The following CHRM2 variants were observed in gnomAD, a reference collection of about 807,000 sequenced individuals.
CHRM2 encodes the protein cholinergic receptor muscarinic 2.
CHRM2 carries 8 observed loss-of-function variants against 25.0 expected under a neutral mutation model. That is an observed-to-expected ratio of 0.32 (90% CI 0.19 to 0.58). The LOEUF is 0.58. CHRM2 is among the 20% of genes least tolerant of loss of function. CHRM2 has a pLI of 0.88. For missense variants in CHRM2, 440 were observed against 567.1 expected, an observed-to-expected ratio of 0.78 and a Z score of 2.28; for synonymous variants, 202 against 205.7, an observed-to-expected ratio of 0.98 and a Z score of 0.15.
At chr7:136,936,495 AAATG>A (rs1799419496) in intron 2 of CHRM2, among the ~76,000 whole-genome samples, 1 of 152,184 alleles carries the variant, frequency 6.6e-6, no homozygotes, top group Non-Finnish European at 1.5e-5. Flanking sequence ...AATTGTCTTA[AAATG>A]AATGACATGA....
chr7:136,884,651 T>C (rs1328886601), intron 2 of CHRM2, among the ~76,000 whole-genome samples: 1 of 152,170 alleles, frequency 6.6e-6, no homozygotes, highest in Non-Finnish European at 1.5e-5. Context: ...CCCAGACCAC[T>C]GTCACTTACA....
chr7:136,884,594 G>C (rs534029478), intron 2 of CHRM2, among the ~76,000 whole-genome samples: 17 of 152,038 alleles, frequency 1.1e-4, no homozygotes, highest in African/African-American at 3.9e-4. Context: ...GAGACACTGA[G>C]CATTTCATAG....
intron 2 of CHRM2, among the ~76,000 whole-genome samples, chr7:136,941,400 C>G (rs1000136781): frequency 2.6e-5 from 4 of 152,140 alleles, no homozygotes; most frequent in Admixed American, 6.5e-5. Flanking sequence ...CATGATTTAT[C>G]AAGAACCTAC....
At chr7:136,912,772 C>T (rs901220667) in intron 2 of CHRM2, among the ~76,000 whole-genome samples, 5 of 151,842 alleles carry the variant, frequency 3.3e-5, no homozygotes, top group African/African-American at 4.8e-5. Flanking sequence ...AAATGTTTAC[C>T]ATTCCTAACA....
At chr7:136,871,893 G>C (rs1039324361) in intron 2 of CHRM2, 1 of 151,974 alleles carries the variant, frequency 6.6e-6, no homozygotes, top group Non-Finnish European at 1.5e-5. Context: ...TTAATGCCAG[G>C]TGAATTATTA....
At chr7:136,931,141 T>C (rs1217207472) in intron 2 of CHRM2, among the ~76,000 whole-genome samples, 2 of 152,168 alleles carry the variant, frequency 1.3e-5, no homozygotes, top group African/African-American at 2.4e-5. Context: ...CAGAATCTTT[T>C]TGGAAGTGAG....
chr7:136,893,667 T>C (rs977655127), intron 2 of CHRM2, among the ~76,000 whole-genome samples: 1 of 152,216 alleles, frequency 6.6e-6, no homozygotes, highest in African/African-American at 2.4e-5. Flanking sequence ...CAGTCTTCCA[T>C]AGAAGAAGGT....
At chr7:136,934,442 T>C (rs1270254164) in intron 2 of CHRM2, among the ~76,000 whole-genome samples, 1 of 152,166 alleles carries the variant, frequency 6.6e-6, no homozygotes, top group Non-Finnish European at 1.5e-5. Flanking sequence ...TCTCTTTAAT[T>C]AGCCCTATAC....
At chr7:136,989,547 A>C (rs992331594) in intron 2 of CHRM2, among the ~76,000 whole-genome samples, 3 of 152,190 alleles carry the variant, frequency 2.0e-5, no homozygotes, top group African/African-American at 7.2e-5. Flanking sequence ...AGGAAGTTCA[A>C]GTCCCTCTGC....
chr7:136,908,618 C>A (rs954738585), intron 2 of CHRM2, among the ~76,000 whole-genome samples: 2 of 151,868 alleles, frequency 1.3e-5, no homozygotes, highest in Admixed American at 6.6e-5. Context: ...TTTATCTCTT[C>A]TCTTCCCTCT....
intron 2 of CHRM2, among the ~76,000 whole-genome samples, chr7:136,937,929 G>T (rs563085243): frequency 6.6e-6 from 1 of 152,240 alleles, no homozygotes; most frequent in African/African-American, 2.4e-5. Flanking sequence ...CCTGTGGTTG[G>T]TCCTAATTGA....
intron 2 of CHRM2, among the ~76,000 whole-genome samples, chr7:136,956,630 C>T (rs2130874896): frequency 6.6e-6 from 1 of 152,198 alleles, no homozygotes; most frequent in Non-Finnish European, 1.5e-5. Flanking sequence ...TACTGGTATA[C>T]TTTTTTATTG....
chr7:136,949,090 G>A (rs1373478739), intron 2 of CHRM2, among the ~76,000 whole-genome samples: 1 of 152,152 alleles, frequency 6.6e-6, no homozygotes, highest in African/African-American at 2.4e-5. Context: ...ACTAGGCGGT[G>A]TCCTTGGATA....
At chr7:136,891,753 T>C (rs957630344) in intron 2 of CHRM2, among the ~76,000 whole-genome samples, 4 of 152,174 alleles carry the variant, frequency 2.6e-5, no homozygotes, top group Admixed American at 6.5e-5. Context: ...ATATGCCCTA[T>C]ATTTTTCCTT....
intron 2 of CHRM2, chr7:136,870,465 A>C (rs1459524732): frequency 2.6e-5 from 4 of 152,310 alleles, no homozygotes; most frequent in African/African-American, 9.7e-5. Flanking sequence ...ATTGACACAC[A>C]CGGCGGCACA....
intron 3 of CHRM2, among the ~76,000 whole-genome samples, chr7:136,997,329 C>G (rs1430910206): frequency 6.6e-6 from 1 of 152,184 alleles, no homozygotes; most frequent in Non-Finnish European, 1.5e-5. Context: ...TATTGATACT[C>G]TTCACTGTTT....
At chr7:136,979,495 G>A (rs1802338550) in intron 2 of CHRM2, among the ~76,000 whole-genome samples, 1 of 152,088 alleles carries the variant, frequency 6.6e-6, no homozygotes, top group Admixed American at 6.6e-5. Context: ...ATTGCTTTTG[G>A]TATTTCAGTC....
chr7:136,889,566 T>C (rs1796610874), intron 2 of CHRM2, among the ~76,000 whole-genome samples: 1 of 152,198 alleles, frequency 6.6e-6, no homozygotes, highest in South Asian at 2.1e-4. Flanking sequence ...AGGGTGATTC[T>C]CAGGACATAA....
At chr7:136,971,390 G>A (rs1015565932) in intron 2 of CHRM2, among the ~76,000 whole-genome samples, 2 of 151,862 alleles carry the variant, frequency 1.3e-5, no homozygotes, top group Non-Finnish European at 2.9e-5. Context: ...CTGAGGCAGG[G>A]GGATCACCTG....
Sources: gnomAD v4.1 joint callset for allele counts (sites outside exome capture counted in the v4.1 genomes callset) on GRCh38, gnomAD v4.1.1 for gene constraint, MANE v1.5 for transcripts, NCBI Gene and HGNC (gene_info 2026-07-23, HGNC 2026-07-21) for gene names.